Variants in C3orf70 observed in about 807,000 individuals in gnomAD.
The protein encoded by C3orf70 is UPF0524 protein C3orf70.
C3orf70 carries 15 observed loss-of-function variants against 20.7 expected under a neutral mutation model. The observed-to-expected ratio is 0.72, with a 90% CI of 0.48 to 1.11. The LOEUF is 1.11. C3orf70 is among the 50% of genes most tolerant of loss of function. C3orf70 has a pLI of 0.00. For missense variants in C3orf70, 332 were observed against 317.6 expected, an observed-to-expected ratio of 1.05 and a Z score of -0.34; for synonymous variants, 161 against 125.7, an observed-to-expected ratio of 1.28 and a Z score of -1.88.
At chr3:185,144,273 G>A (rs1032850961) in intron 1 of C3orf70, among the ~76,000 whole-genome samples, 5 of 151,964 alleles carry the variant, frequency 3.3e-5, no homozygotes, top group Non-Finnish European at 5.9e-5. Flanking sequence ...ACTGAAAGAC[G>A]GGTTAAGTAA....
intron 1 of C3orf70, among the ~76,000 whole-genome samples, chr3:185,136,606 C>T (rs2108604298): frequency 6.6e-6 from 1 of 151,846 alleles, no homozygotes; most frequent in East Asian, 1.9e-4. Flanking sequence ...CACCTGCAGT[C>T]CCAGCTACTC....
intron 1 of C3orf70, among the ~76,000 whole-genome samples, chr3:185,126,004 C>T (rs1716403974): frequency 6.6e-6 from 1 of 151,956 alleles, no homozygotes; most frequent in Admixed American, 6.6e-5. Context: ...TGTTAAAATG[C>T]ACAGAACTGT....
intron 1 of C3orf70, among the ~76,000 whole-genome samples, chr3:185,125,178 G>A (rs187670423): frequency 6.8e-4 from 103 of 152,194 alleles, no homozygotes; most frequent in African/African-American, 2.3e-3. Context: ...TCGGGAGTTC[G>A]AGACCAGCTT....
chr3:185,100,044 G>T (rs1577321814), intron 1 of C3orf70, among the ~76,000 whole-genome samples: 2 of 152,298 alleles, frequency 1.3e-5, no homozygotes, highest in East Asian at 3.9e-4. Context: ...GGAGCACCCA[G>T]ATTCACAAAG....
intron 1 of C3orf70, among the ~76,000 whole-genome samples, chr3:185,100,484 C>T (rs895559968): frequency 6.6e-6 from 1 of 152,124 alleles, no homozygotes; most frequent in Admixed American, 6.5e-5. Flanking sequence ...AAAAGAAATT[C>T]TTTGAAACCA....
intron 1 of C3orf70, among the ~76,000 whole-genome samples, chr3:185,144,901 T>C (rs942184046): frequency 2.0e-5 from 3 of 152,206 alleles, no homozygotes; most frequent in Admixed American, 6.5e-5. Flanking sequence ...ACCATGGCGC[T>C]TGGATGAAAC....
At chr3:185,140,491 A>G (rs1207348178) in intron 1 of C3orf70, among the ~76,000 whole-genome samples, 1 of 152,204 alleles carries the variant, frequency 6.6e-6, no homozygotes. Context: ...TTAAAACCAA[A>G]ATCAGTCATC....
chr3:185,147,605 C>T (rs938989926), intron 1 of C3orf70, among the ~76,000 whole-genome samples: 1 of 152,196 alleles, frequency 6.6e-6, no homozygotes, highest in Non-Finnish European at 1.5e-5. Flanking sequence ...ACTATGTGCC[C>T]GTGGAAAAGC....
At position 185,084,885 on chromosome 3, in the gene C3orf70, T is replaced by G. The variant is rs887954262; in HGVS notation, c.197-1322A>C. 2.0e-5 allele frequency among the ~76,000 whole-genome samples: 3 copies of G among 152,300 alleles called. No homozygotes were observed. The South Asian group carries it at 6.2e-4, about 32-fold the overall frequency. ...CAAGTAGCCACAATTGTGGGCATCA[T>G]TTTGAATTTTTCCTAATTTAGCCAA... is the stretch of plus-strand genomic sequence containing the variant. On this transcript the variant is annotated intron_variant, in intron 1 of 1. Transcript: ENST00000335012.
At chr3:185,138,215 C>T (rs35388946) in intron 1 of C3orf70, among the ~76,000 whole-genome samples, 1 of 151,868 alleles carries the variant, frequency 6.6e-6, no homozygotes, top group Non-Finnish European at 1.5e-5. Flanking sequence ...ATTTGAATAG[C>T]CCTATAATAA....
intron 1 of C3orf70, among the ~76,000 whole-genome samples, chr3:185,093,773 T>C (rs1438108781): frequency 1.4e-5 from 2 of 148,058 alleles, no homozygotes; most frequent in Non-Finnish European, 3.0e-5. Flanking sequence ...GCAACAATAA[T>C]GGGGGGCGGG....
intron 1 of C3orf70, among the ~76,000 whole-genome samples, chr3:185,145,118 C>T (rs1716830986): frequency 6.6e-6 from 1 of 152,184 alleles, no homozygotes; most frequent in Non-Finnish European, 1.5e-5. Flanking sequence ...TTCTGGTTGC[C>T]GAAGGCCTGT....
At chr3:185,136,938 A>G (rs1387348794) in intron 1 of C3orf70, among the ~76,000 whole-genome samples, 2 of 106,860 alleles carry the variant, frequency 1.9e-5, no homozygotes, top group Non-Finnish European at 4.7e-5. Context: ...AACAACAACA[A>G]CAACAACAAC....
chr3:185,143,164 T>C (rs985756859), intron 1 of C3orf70, among the ~76,000 whole-genome samples: 9 of 152,190 alleles, frequency 5.9e-5, no homozygotes, highest in Admixed American at 5.9e-4. Context: ...GGCATACTGA[T>C]ATATTTCTCT....
intron 1 of C3orf70, among the ~76,000 whole-genome samples, chr3:185,136,592 C>T (rs894345054): frequency 6.6e-6 from 1 of 151,914 alleles, no homozygotes; most frequent in Non-Finnish European, 1.5e-5. Context: ...ACAGTGGTGG[C>T]GGGCACCTGC....
chr3:185,082,836 T>C lies in C3orf70; in HGVS notation c.*171A>G. On this transcript the variant is annotated 3_prime_UTR_variant, in exon 2 of 2. Transcript: ENST00000335012. Reference sequence around the variant, plus strand: ...ACTGTTTATAATAAAAAGAATGTCTTAGTTGTAAGACGGAGAGAAGCTAAT... The same window carrying C: ...ACTGTTTATAATAAAAAGAATGTCTCAGTTGTAAGACGGAGAGAAGCTAAT... 1 of 641,146 alleles carries C rather than the reference T, an allele frequency of 1.6e-6. No individual in the cohort carries two copies. The highest frequency in any genetic ancestry group is 2.1e-5 in the South Asian group (1 of 47,424). 39.7% of individuals were successfully genotyped at this position (641,146 alleles called of 1,614,324 possible). A position where few individuals can be genotyped will look rare whatever the true frequency, so the allele number is the denominator to read the frequency against.
intron 1 of C3orf70, among the ~76,000 whole-genome samples, chr3:185,120,194 A>G (rs1293031980): frequency 6.6e-6 from 1 of 152,218 alleles, no homozygotes. Context: ...ATGTACAAGC[A>G]TGTAAGACTA....
At chr3:185,146,355 T>C (rs12635413) in intron 1 of C3orf70, among the ~76,000 whole-genome samples, 63,422 of 146,652 alleles carry the variant, frequency 0.43, 15,095 homozygotes, top group Non-Finnish European at 0.56. Context: ...TGGCGCGATC[T>C]TGGCTCGCTG....
intron 1 of C3orf70, among the ~76,000 whole-genome samples, chr3:185,098,765 A>G (rs76949251): frequency 0.02 from 3,092 of 152,306 alleles, 44 homozygotes; most frequent in East Asian, 0.094. Flanking sequence ...AAATCAGTGA[A>G]GTCTGAGTAA....
Sources: gnomAD v4.1 joint callset for allele counts (sites outside exome capture counted in the v4.1 genomes callset) on GRCh38, gnomAD v4.1.1 for gene constraint, MANE v1.5 for transcripts, NCBI Gene and HGNC (gene_info 2026-07-23, HGNC 2026-07-21) for gene names.